The following KCNK13 variants were observed in gnomAD, a reference collection of about 807,000 sequenced individuals.
KCNK13 encodes potassium two pore domain channel subfamily K member 13.
In KCNK13, 12 loss-of-function variants were observed where a neutral mutation model predicts 23.4. That is an observed-to-expected ratio of 0.51 (90% CI 0.33 to 0.83). The LOEUF (loss-of-function observed/expected upper bound fraction) is 0.83. KCNK13 is among the 40% of genes least tolerant of loss of function. The probability of loss-of-function intolerance (pLI) is 0.02; values close to 1 mark genes in which losing one functional copy is unlikely to be tolerated. For missense variants in KCNK13, 463 were observed against 556.3 expected, an observed-to-expected ratio of 0.83 and a Z score of 1.69; for synonymous variants, 231 against 229.5, an observed-to-expected ratio of 1.01 and a Z score of -0.06.
intron 1 of KCNK13, among the ~76,000 whole-genome samples, chr14:90,141,419 T>C (rs1890003665): frequency 6.6e-6 from 1 of 152,206 alleles, no homozygotes; most frequent in Non-Finnish European, 1.5e-5. Flanking sequence ...AGATGCATCA[T>C]GCCCAAGCAT....
At chr14:90,090,055 C>T (rs1889324080) in intron 1 of KCNK13, among the ~76,000 whole-genome samples, 1 of 151,954 alleles carries the variant, frequency 6.6e-6, no homozygotes, top group Non-Finnish European at 1.5e-5. Context: ...CAAAGAGTCC[C>T]TACTGGGGGC....
chr14:90,141,429 T>C (rs539619191), intron 1 of KCNK13, among the ~76,000 whole-genome samples: 4 of 152,238 alleles, frequency 2.6e-5, no homozygotes, highest in Middle Eastern at 6.8e-3. Flanking sequence ...TGCCCAAGCA[T>C]CCTTATGCCC....
At chr14:90,144,582 T>C (rs1890052493) in intron 1 of KCNK13, among the ~76,000 whole-genome samples, 1 of 139,938 alleles carries the variant, frequency 7.1e-6, no homozygotes. Flanking sequence ...TTGCAACCTC[T>C]GCCTCCCAGG....
rs1888949518 is a variant in KCNK13, at chr14:90,062,165, C to T, written c.-41C>T. ...GGTGTGGGCGAGACTCCGCCGACGCCCGGTGCCGTGGGCCTGGGGGCTGCC... is the reference window on the plus strand; with the variant it reads ...GGTGTGGGCGAGACTCCGCCGACGCTCGGTGCCGTGGGCCTGGGGGCTGCC... On this transcript the variant is annotated 5_prime_UTR_variant, in exon 1 of 2. Transcript: ENST00000282146. The surrounding 1 kb of genome is among the most constrained non-coding windows in gnomAD (Gnocchi z 4.5). 1 of 1,272,636 alleles carries T rather than the reference C, an allele frequency of 7.9e-7. No individual in the cohort carries two copies. The highest frequency in any genetic ancestry group is 1.0e-6 in the Non-Finnish European group (1 of 989,644). The allele number at this position is 1,272,636 out of a possible 1,614,324, so 78.8% of individuals were successfully genotyped here.
At chr14:90,154,230 C>T (rs1289373180) in intron 1 of KCNK13, among the ~76,000 whole-genome samples, 1 of 151,924 alleles carries the variant, frequency 6.6e-6, no homozygotes, top group African/African-American at 2.4e-5. Flanking sequence ...CAATGCTGTG[C>T]TCTCCTACCC....
chr14:90,122,695 G>A (rs1020509535), intron 1 of KCNK13, among the ~76,000 whole-genome samples: 1 of 151,642 alleles, frequency 6.6e-6, no homozygotes, highest in African/African-American at 2.4e-5. Flanking sequence ...CTGGCCCGAG[G>A]CACTCAATGA....
intron 1 of KCNK13, among the ~76,000 whole-genome samples, chr14:90,071,567 A>G (rs952918132): frequency 6.6e-6 from 1 of 152,170 alleles, no homozygotes; most frequent in South Asian, 2.1e-4. Flanking sequence ...TTCTCTCAGC[A>G]TATTTCCTGG....
chr14:90,104,777 CTTTCT>C (rs1195583680), intron 1 of KCNK13, among the ~76,000 whole-genome samples: 4 of 140,090 alleles, frequency 2.9e-5, no homozygotes, highest in Non-Finnish European at 4.6e-5. Flanking sequence ...GGATCAGCTA[CTTTCT>C]TTTCTTTTCT....
At chr14:90,140,805 G>T (rs1019761826) in intron 1 of KCNK13, among the ~76,000 whole-genome samples, 1 of 152,138 alleles carries the variant, frequency 6.6e-6, no homozygotes, top group Admixed American at 6.5e-5. Context: ...TCTCCCCGGG[G>T]CGCAGTGGAT....
At chr14:90,070,021 A>G (rs565437730) in intron 1 of KCNK13, among the ~76,000 whole-genome samples, 30 of 152,338 alleles carry the variant, frequency 2.0e-4, no homozygotes, top group Non-Finnish European at 4.4e-4. Context: ...CTACCAACCA[A>G]CAACAAACAC....
intron 1 of KCNK13, among the ~76,000 whole-genome samples, chr14:90,084,447 G>A (rs1286900): frequency 0.25 from 38,597 of 152,040 alleles, 5,199 homozygotes; most frequent in Non-Finnish European, 0.3. Context: ...TTTATTGCAA[G>A]TGTGTAGAAA....
intron 1 of KCNK13, among the ~76,000 whole-genome samples, chr14:90,070,003 C>A (rs1157105944): frequency 6.6e-6 from 1 of 152,244 alleles, no homozygotes; most frequent in East Asian, 1.9e-4. Context: ...TAGAAATCAT[C>A]CATAATTCTA....
At chr14:90,106,376 A>G (rs1219849000) in intron 1 of KCNK13, among the ~76,000 whole-genome samples, 1 of 151,960 alleles carries the variant, frequency 6.6e-6, no homozygotes, top group African/African-American at 2.4e-5. Flanking sequence ...GGAGTTCGAG[A>G]CCAGCCTGGC....
chr14:90,109,531 C>T (rs779181048), intron 1 of KCNK13, among the ~76,000 whole-genome samples: 1 of 150,236 alleles, frequency 6.7e-6, no homozygotes, highest in Non-Finnish European at 1.5e-5. Context: ...GCCTCAGCCT[C>T]CCGAGTAGCT....
At chr14:90,147,772 T>A (rs563916619) in intron 1 of KCNK13, among the ~76,000 whole-genome samples, 2 of 152,270 alleles carry the variant, frequency 1.3e-5, no homozygotes, top group East Asian at 3.9e-4. Context: ...TGCTGTGAGG[T>A]TAGGTTATAC....
In KCNK13 at chr14:90,184,658, G is replaced by A. The variant is rs975551059; in HGVS notation, c.882G>A (p.Met294Ile). ...CCTTGAACTGGATCCTGAGGAAAAT[G>A]GACAGCGGGTGCTGCCCGCAATGCC... ...KQSLNWILRKMDSGCCPQCQR... is the reference protein window; with the variant it reads ...KQSLNWILRKIDSGCCPQCQR... Residue 294 changes from methionine (M) to isoleucine (I), a missense_variant, in exon 2 of 2, where the codon ATG becomes ATA. Transcript: ENST00000282146. The surrounding 1 kb of genome is among the most constrained non-coding windows in gnomAD (Gnocchi z 5.6). 1 of 1,614,252 alleles carries A rather than the reference G, an allele frequency of 6.2e-7. No individual in the cohort carries two copies. The highest frequency in any genetic ancestry group is 8.5e-7 in the Non-Finnish European group (1 of 1,180,054).
rs139412063 is a variant in KCNK13 at position 90,184,790 on chromosome 14, C to T, written c.1014C>T (p.Asp338=). ...ETDGVAESDT[D]GRRLSGEMIS... ...ACGGGGTGGCAGAGAGTGACACGGA[C>T]GGGCGCCGGCTCTCAGGGGAGATGA... The change falls in exon 2 of 2, where the codon GAC becomes GAT. Residue 338 remains aspartate (D), a synonymous_variant. Coordinates refer to ENST00000282146, the MANE Select transcript of KCNK13 (RefSeq NM_022054.4). This position sits in a 1 kb window ranked among gnomAD's most constrained non-coding sequence, Gnocchi z 5.6. 1.8e-3 allele frequency: 2,845 copies of T among 1,612,584 alleles called. 3 individuals are homozygous for T. The highest frequency in any genetic ancestry group is 2.2e-3 in the Non-Finnish European group (2,611 of 1,178,798).
Position 90,127,200 on chromosome 14 carries a change from G to A in KCNK13, c.335-56911G>A, listed in dbSNP as rs575544563. On this transcript the variant is annotated intron_variant, in intron 1 of 1. Transcript: ENST00000282146. ...GGGAACTCTGTATTATCGTCACAAC[G>A]TTTCTATGAATCTGAAACTCTTCTA... 1.1e-4 allele frequency among the ~76,000 whole-genome samples: 16 copies of A among 152,040 alleles called. No homozygotes were observed. In the South Asian group the frequency reaches 2.5e-3, roughly 24 times the overall value.
At chr14:90,076,058 G>T (rs763628441) in intron 1 of KCNK13, among the ~76,000 whole-genome samples, 3 of 152,196 alleles carry the variant, frequency 2.0e-5, no homozygotes, top group African/African-American at 4.8e-5. Flanking sequence ...TGTGTTTTCT[G>T]TCTGGTGCTT....
Sources: allele counts gnomAD v4.1 joint callset (sites outside exome capture counted in the v4.1 genomes callset), GRCh38; gene constraint gnomAD v4.1.1; non-coding constraint Gnocchi (gnomAD v3.1); transcripts MANE v1.5; gene names NCBI Gene and HGNC (gene_info 2026-07-23, HGNC 2026-07-21).